Variants in AMOTL1 observed in about 807,000 individuals in gnomAD.
The protein encoded by AMOTL1 is angiomotin like 1, also known as angiomotin-like protein 1.
A neutral mutation model predicts 102.9 loss-of-function variants in AMOTL1; 45 were observed. The observed-to-expected ratio is 0.44, with a 90% CI of 0.34 to 0.56. AMOTL1 has a LOEUF of 0.56. Ranked by LOEUF, AMOTL1 falls within the 20% of genes least tolerant of loss-of-function variation. The pLI, the probability that AMOTL1 is intolerant of heterozygous loss-of-function variation, is 0.01. For missense variants in AMOTL1, 1,114 were observed against 1,225.6 expected (o/e 0.91, Z 1.36); for synonymous variants, 481 against 484.7 (o/e 0.99, Z 0.10).
At chr11:94,837,293 TC>T (rs1025109432) in intron 6 of AMOTL1, among the ~76,000 whole-genome samples, 1 of 152,106 alleles carries the variant, frequency 6.6e-6, no homozygotes, top group African/African-American at 2.4e-5. Context: ...AGAATGAATC[TC>T]CCAATTTAGC....
At chr11:94,815,144 G>A (rs916718326) in intron 3 of AMOTL1, among the ~76,000 whole-genome samples, 9 of 152,160 alleles carry the variant, frequency 5.9e-5, no homozygotes, top group Non-Finnish European at 1.3e-4. Flanking sequence ...CTTCAGAATT[G>A]TCAACATAAA....
intron 3 of AMOTL1, among the ~76,000 whole-genome samples, chr11:94,747,083 AT>A (rs1338632270): frequency 6.6e-6 from 1 of 151,758 alleles, no homozygotes; most frequent in Non-Finnish European, 1.5e-5. Context: ...TATCCAGCTT[AT>A]TTTTTATCTT....
At chr11:94,711,027 G>T (rs554272207) in intron 1 of AMOTL1, among the ~76,000 whole-genome samples, 6 of 152,120 alleles carry the variant, frequency 3.9e-5, no homozygotes, top group Non-Finnish European at 7.4e-5. Context: ...AACATTTTAG[G>T]TTTACCAGTA....
At chr11:94,798,714 A>G (rs1459898733) in intron 2 of AMOTL1, among the ~76,000 whole-genome samples, 2 of 152,144 alleles carry the variant, frequency 1.3e-5, no homozygotes, top group Non-Finnish European at 2.9e-5. Flanking sequence ...GAGAGAAGGG[A>G]GCCAGAGATG....
chr11:94,818,819 A>G (rs1355966128), intron 3 of AMOTL1, among the ~76,000 whole-genome samples: 9 of 152,126 alleles, frequency 5.9e-5, no homozygotes, highest in East Asian at 3.9e-4. Flanking sequence ...TAAAATCCCT[A>G]AAAATGAAGC....
chr11:94,740,903 G>T (rs7946370), intron 2 of AMOTL1: 45,374 of 1,287,636 alleles, frequency 0.035, 3,958 homozygotes, highest in East Asian at 0.28. Context: ...GAATGGTAGC[G>T]ATTCGAGTTG....
chr11:94,839,571 A>G (rs937212950), intron 6 of AMOTL1, among the ~76,000 whole-genome samples: 5 of 152,232 alleles, frequency 3.3e-5, no homozygotes, highest in Non-Finnish European at 5.9e-5. Context: ...GAGAGATGTT[A>G]GAATGTGAGA....
intron 6 of AMOTL1, among the ~76,000 whole-genome samples, chr11:94,847,666 CT>C (rs1323902706): frequency 3.4e-5 from 5 of 148,932 alleles, no homozygotes; most frequent in African/African-American, 9.9e-5. Flanking sequence ...GAATCCAGGT[CT>C]TTCTCATGCT....
chr11:94,843,579 G>A (rs1306303760), intron 6 of AMOTL1, among the ~76,000 whole-genome samples: 2 of 152,138 alleles, frequency 1.3e-5, no homozygotes, highest in Admixed American at 1.3e-4. Flanking sequence ...CCTATAAATT[G>A]TAGCTGTCCC....
intron 6 of AMOTL1, among the ~76,000 whole-genome samples, chr11:94,840,383 CT>C (rs1952272773): frequency 6.6e-6 from 1 of 151,842 alleles, no homozygotes; most frequent in African/African-American, 2.4e-5. Flanking sequence ...TACTAATTTT[CT>C]TTTTGCTTAC....
chr11:94,737,138 G>T (rs1031430432), intron 2 of AMOTL1, among the ~76,000 whole-genome samples: 12 of 152,300 alleles, frequency 7.9e-5, no homozygotes, highest in African/African-American at 2.9e-4. Context: ...CCATTTATAT[G>T]AACAAATTGA....
At chr11:94,774,402 A>T (rs1247582872) in intron 1 of AMOTL1, among the ~76,000 whole-genome samples, 1 of 152,222 alleles carries the variant, frequency 6.6e-6, no homozygotes, top group Non-Finnish European at 1.5e-5. Flanking sequence ...GTCTGCATTC[A>T]GAAGGCTAGT....
intron 3 of AMOTL1, among the ~76,000 whole-genome samples, chr11:94,816,213 C>T (rs1301694773): frequency 1.3e-5 from 2 of 152,152 alleles, no homozygotes; most frequent in Middle Eastern, 3.2e-3. Flanking sequence ...ATATCTCCTT[C>T]AACTCACTTT....
chr11:94,728,463 G>T (rs529916133), intron 1 of AMOTL1, among the ~76,000 whole-genome samples: 1 of 152,100 alleles, frequency 6.6e-6, no homozygotes, highest in African/African-American at 2.4e-5. Context: ...CATGTTCATT[G>T]TTGAAAATGC....
intron 3 of AMOTL1, among the ~76,000 whole-genome samples, chr11:94,812,338 G>A (rs55890511): frequency 0.27 from 41,179 of 152,046 alleles, 6,159 homozygotes; most frequent in East Asian, 0.46. Flanking sequence ...GACAACTTGA[G>A]GTGGGGGAGG....
rs199694915 is a variant in AMOTL1, at chr11:94,799,958, C to T, written c.768C>T (p.Gly256=). 8.0e-5 allele frequency: 129 copies of T among 1,613,904 alleles called. No individual in the cohort carries two copies. In the African/African-American group the frequency reaches 1.7e-3, roughly 21 times the overall value. ...AGGCGCTGAAGGAACTGAAGCAGGG[C>T]CACGTCCGCTCGCTCAGCGAGAGAA... The part of the protein sequence containing the change: ...KDEALKELKQ[G]HVRSLSERIM... The change falls in exon 3 of 13, where the codon GGC becomes GGT. Residue 256 remains glycine, a synonymous_variant. Transcript: ENST00000433060. The surrounding 1 kb of genome is among the most constrained non-coding windows in gnomAD (Gnocchi z 4.5).
intron 5 of AMOTL1, among the ~76,000 whole-genome samples, chr11:94,830,615 G>A (rs982929543): frequency 3.3e-5 from 5 of 152,200 alleles, no homozygotes; most frequent in African/African-American, 9.7e-5. Context: ...TTGCTAGGTG[G>A]ACAATAGAAG....
chr11:94,734,074 C>A (rs1950398839), intron 2 of AMOTL1, among the ~76,000 whole-genome samples: 1 of 152,192 alleles, frequency 6.6e-6, no homozygotes, highest in South Asian at 2.1e-4. Context: ...GTTGATAGCA[C>A]CTCCTGCATT....
At chr11:94,859,858 T>C (rs1421545003) in intron 9 of AMOTL1, 143 bp downstream of exon 9, 1 of 887,688 alleles carries the variant, frequency 1.1e-6, no homozygotes, top group Non-Finnish European at 1.6e-6. Flanking sequence ...ACAGTGCTAG[T>C]TGGAGAGCAA....
Sources: allele counts gnomAD v4.1 joint callset (sites outside exome capture counted in the v4.1 genomes callset), GRCh38; gene constraint gnomAD v4.1.1; non-coding constraint Gnocchi (gnomAD v3.1); transcripts MANE v1.5; gene names NCBI Gene and HGNC (gene_info 2026-07-23, HGNC 2026-07-21).